Variants in PLN observed in about 807,000 individuals in gnomAD.
PLN encodes the protein phospholamban.
A neutral mutation model predicts 3.9 loss-of-function variants in PLN; 1 was observed. The observed-to-expected ratio is 0.26, with a 90% CI of 0.09 to 1.23. The LOEUF (loss-of-function observed/expected upper bound fraction) is 1.23. Ranked by LOEUF, PLN falls within the 50% of genes most tolerant of loss-of-function variation. The pLI is 0.48. For missense variants in PLN, 59 were observed against 62.7 expected (o/e 0.94, Z 0.20); for synonymous variants, 21 against 20.5 (o/e 1.02, Z -0.07).
chr6:118,550,125 A>G (rs761955259), intron 1 of PLN, among the ~76,000 whole-genome samples: 4 of 151,934 alleles, frequency 2.6e-5, no homozygotes, highest in Non-Finnish European at 5.9e-5. Context: ...AAAACGCATG[A>G]AAGAGCCAGA....
Position 118,560,340 on chromosome 6 carries a change from A to G in PLN, c.*1260A>G, listed in dbSNP as rs1779150819. ...GTATTATACACTATATTCCTACAAT[A>G]AAGTAAGCTAGAGAAAATGTTATTT... is the stretch of plus-strand genomic sequence containing the variant. On this transcript the variant is annotated 3_prime_UTR_variant, in exon 2 of 2. Transcript: ENST00000357525. 1 of 167,062 alleles carries G rather than the reference A, an allele frequency of 6.0e-6. No homozygotes were observed. The highest frequency in any genetic ancestry group is 2.4e-5 in the African/African-American group (1 of 41,468). The allele number at this position is 167,062 out of a possible 1,614,324, so 10.3% of individuals were successfully genotyped here.
intron 1 of PLN, among the ~76,000 whole-genome samples, chr6:118,551,070 C>T (rs9387590): frequency 1.3e-5 from 2 of 151,964 alleles, no homozygotes; most frequent in East Asian, 3.9e-4. Flanking sequence ...TTCAATTCAT[C>T]TGATACCTAA....
rs912369139 is a variant in PLN, at chr6:118,560,034, A to C, written c.*954A>C. ...TCCAGCCTAACATCCAATGCAGGCA[A>C]GGAAAATAAAAGATTTCCAGTGACA... On this transcript the variant is annotated 3_prime_UTR_variant, in exon 2 of 2. Coordinates refer to ENST00000357525, the MANE Select transcript of PLN (RefSeq NM_002667.5). The C allele has an allele frequency of 6.0e-6, 1 of 167,114 alleles. No individual in the cohort carries two copies. The allele number at this position is 167,114 out of a possible 1,614,324, so 10.4% of individuals were successfully genotyped here.
intron 1 of PLN, among the ~76,000 whole-genome samples, chr6:118,550,659 T>C (rs1056788170): frequency 1.3e-5 from 2 of 151,892 alleles, no homozygotes; most frequent in Non-Finnish European, 2.9e-5. Flanking sequence ...GTTTAGGTTT[T>C]GTCACTAAGC....
intron 1 of PLN, 108 bp from the exon 2 acceptor site, chr6:118,558,717 T>C (rs2114968248): frequency 1.7e-6 from 1 of 596,800 alleles, no homozygotes; most frequent in Non-Finnish European, 3.0e-6. Flanking sequence ...CATGATGTTA[T>C]AAATAACAAT....
chr6:118,552,272 A>G (rs1457170322), intron 1 of PLN, among the ~76,000 whole-genome samples: 1 of 152,094 alleles, frequency 6.6e-6, no homozygotes, highest in Non-Finnish European at 1.5e-5. Context: ...TTATTATTTC[A>G]GCAAAAGGAA....
At chr6:118,549,673 T>C (rs1778424465) in intron 1 of PLN, among the ~76,000 whole-genome samples, 1 of 151,866 alleles carries the variant, frequency 6.6e-6, no homozygotes, top group Non-Finnish European at 1.5e-5. Context: ...TTTCCTTTGA[T>C]AGTACATAAA....
chr6:118,549,879 CTAG>C (rs1778438959), intron 1 of PLN, among the ~76,000 whole-genome samples: 1 of 151,818 alleles, frequency 6.6e-6, no homozygotes, highest in Non-Finnish European at 1.5e-5. Flanking sequence ...CCTTAGCTCA[CTAG>C]TATGTCTCAG....
rs1779133956 is a variant in PLN at position 118,560,073 on chromosome 6, T to A, written c.*993T>A. 1 of 167,080 alleles carries A rather than the reference T, an allele frequency of 6.0e-6. No individual in the cohort carries two copies. 10.3% of individuals were successfully genotyped at this position (167,080 alleles called of 1,614,324 possible). A position where few individuals can be genotyped will look rare whatever the true frequency, so the allele number is the denominator to read the frequency against. On this transcript the variant is annotated 3_prime_UTR_variant, in exon 2 of 2. Coordinates refer to ENST00000357525, the MANE Select transcript of PLN (RefSeq NM_002667.5). The stretch of plus-strand genomic sequence containing the variant: ...TTTCCAGTGACAGAAAAATATATTA[T>A]CTCAAGTATTTTTTAAAAATATATG...
In PLN at chr6:118,558,861, G is replaced by A. The variant is rs186238926; in HGVS notation, c.-61G>A. The A allele has an allele frequency of 1.6e-6, 2 of 1,285,244 alleles. No individual in the cohort carries two copies. Among genetic ancestry groups the A allele is most frequent in the South Asian group, 1.2e-5 (1 of 83,734 alleles). 79.6% of individuals were successfully genotyped at this position (1,285,244 alleles called of 1,614,324 possible). A position where few individuals can be genotyped will look rare whatever the true frequency, so the allele number is the denominator to read the frequency against. On this transcript the variant is annotated 5_prime_UTR_variant, in exon 2 of 2. Transcript: ENST00000357525. ...GAAGACAGTTATCTCATATTTGGCT[G>A]CCAGCTTTTTATCTTTCTCTCGACC...
rs1200877355 is a variant in PLN, at chr6:118,559,232, G to A, written c.*152G>A. On this transcript the variant is annotated 3_prime_UTR_variant, in exon 2 of 2. Coordinates refer to ENST00000357525, the MANE Select transcript of PLN (RefSeq NM_002667.5). ...GTCAAGATTAAGACTAAAACTTATT[G>A]TTACCATATGTATTCATCTGTTGGA... is the stretch of plus-strand genomic sequence containing the variant. The A allele has an allele frequency of 1.2e-5, 9 of 727,874 alleles. No homozygotes were observed. The highest frequency in any genetic ancestry group is 3.5e-5 in the African/African-American group (2 of 57,256). 45.1% of individuals were successfully genotyped at this position (727,874 alleles called of 1,614,324 possible). A position where few individuals can be genotyped will look rare whatever the true frequency, so the allele number is the denominator to read the frequency against.
chr6:118,559,023 T>C lies in PLN; in HGVS notation c.102T>C (p.Asn34=). 2 of 1,606,322 alleles carry C rather than the reference T, an allele frequency of 1.2e-6. No individual in the cohort carries two copies. The highest frequency in any genetic ancestry group is 2.2e-5 in the East Asian group (1 of 44,848). ...ARQKLQNLFI[N]FCLILICLLL... is the part of the protein sequence containing the mutation. ...AAAAGCTACAGAATCTATTTATCAA[T>C]TTCTGTCTCATCTTAATATGTCTCT... The change falls in exon 2 of 2, where the codon AAT becomes AAC. Residue 34 remains asparagine, a synonymous_variant. Coordinates refer to ENST00000357525, the MANE Select transcript of PLN (RefSeq NM_002667.5).
chr6:118,553,932 A>C (rs1778695552), intron 1 of PLN, among the ~76,000 whole-genome samples: 2 of 152,302 alleles, frequency 1.3e-5, no homozygotes, highest in South Asian at 2.1e-4. Flanking sequence ...AAAATATTAG[A>C]GCTTACATGT....
At chr6:118,549,672 A>G (rs1056613698) in intron 1 of PLN, among the ~76,000 whole-genome samples, 1 of 151,810 alleles carries the variant, frequency 6.6e-6, no homozygotes, top group Non-Finnish European at 1.5e-5. Context: ...TTTTCCTTTG[A>G]TAGTACATAA....
intron 1 of PLN, among the ~76,000 whole-genome samples, chr6:118,550,352 T>C (rs943890921): frequency 4.6e-5 from 7 of 151,904 alleles, no homozygotes; most frequent in Middle Eastern, 3.4e-3. Flanking sequence ...ATGTACTCAT[T>C]ACACATGTAC....
chr6:118,556,624 T>G (rs1426407815), intron 1 of PLN, among the ~76,000 whole-genome samples: 1 of 152,210 alleles, frequency 6.6e-6, no homozygotes, highest in Non-Finnish European at 1.5e-5. Flanking sequence ...CAGGTTGAGA[T>G]GGGCTTTTAT....
At chr6:118,554,294 T>C (rs527486824) in intron 1 of PLN, among the ~76,000 whole-genome samples, 233 of 152,112 alleles carry the variant, frequency 1.5e-3, no homozygotes, top group Middle Eastern at 3.4e-3. Flanking sequence ...CAGTCATTCA[T>C]TCATCCATTC....
chr6:118,548,380 C>T lies in PLN; in HGVS notation c.-110C>T, dbSNP rs1251917007. 6.6e-6 allele frequency: 1 copy of T among 152,096 alleles called. No homozygotes were observed. Among genetic ancestry groups the T allele is most frequent in the African/African-American group, 2.4e-5 (1 of 41,446 alleles). 9.4% of individuals were successfully genotyped at this position (152,096 alleles called of 1,614,324 possible). A position where few individuals can be genotyped will look rare whatever the true frequency, so the allele number is the denominator to read the frequency against. On this transcript the variant is annotated 5_prime_UTR_variant, in exon 1 of 2. Transcript: ENST00000357525. Reference sequence around the variant, plus strand: ...ACACAATACTCTATACTGTGATGATCACAGCTGCCAAGGTAAGAAACAGAT... The same window carrying T: ...ACACAATACTCTATACTGTGATGATTACAGCTGCCAAGGTAAGAAACAGAT...
At chr6:118,555,974 CAT>C (rs1778845258) in intron 1 of PLN, among the ~76,000 whole-genome samples, 1 of 152,192 alleles carries the variant, frequency 6.6e-6, no homozygotes, top group African/African-American at 2.4e-5. Flanking sequence ...CCGCAAAAGA[CAT>C]GATATCATTC....
Sources: allele counts gnomAD v4.1 joint callset (sites outside exome capture counted in the v4.1 genomes callset), GRCh38; gene constraint gnomAD v4.1.1; transcripts MANE v1.5; gene names NCBI Gene and HGNC (gene_info 2026-07-23, HGNC 2026-07-21).